PARD3: variants seen among roughly 807,000 people sequenced by gnomAD.
PARD3 encodes partitioning defective 3 homolog.
Under a neutral mutation model 155.4 loss-of-function variants are expected in PARD3, and 75 were observed. The observed-to-expected ratio is 0.48, with a 90% confidence interval of 0.40 to 0.58. The LOEUF (loss-of-function observed/expected upper bound fraction) is 0.58. Ranked by LOEUF, PARD3 falls within the 20% of genes least tolerant of loss-of-function variation. The probability of loss-of-function intolerance (pLI) is 0.00; values close to 1 mark genes in which losing one functional copy is unlikely to be tolerated. For missense variants in PARD3, 1,642 were observed against 1,721.7 expected (o/e 0.95, Z 0.82); for synonymous variants, 576 against 610.5 (o/e 0.94, Z 0.83).
At position 34,671,999 on chromosome 10, in the gene PARD3, A is replaced by AC. The variant is rs2093618547; in HGVS notation, c.222+24318dup. ...AGATCAGCCTGGGCAACATAGGGAG[A>AC]CCCCATCTGTACAAAAAGTGAAAAA... On this transcript the variant is annotated intron_variant, in intron 2 of 24. Transcript: ENST00000374788. Among the ~76,000 whole-genome samples the AC allele has an allele frequency of 2.0e-5, 3 of 151,502 alleles. No individual in the cohort carries two copies. In the South Asian group the frequency reaches 6.3e-4, roughly 32 times the overall value.
chr10:34,342,311 A>G (rs2384211), intron 15 of PARD3, among the ~76,000 whole-genome samples: 84,271 of 152,066 alleles, frequency 0.55, 23,904 homozygotes, highest in African/African-American at 0.67. Context: ...AGTGATAATT[A>G]TATGGTGGTG....
At position 34,356,390 on chromosome 10, in the gene PARD3, G is replaced by C. The variant is rs184655943; in HGVS notation, c.2067+2757C>G. ...CTCTACAAAAATGAAAAATAAAGAA[G>C]ACATATTAAGATAATACACAGCACT... is the stretch of plus-strand genomic sequence containing the variant. On this transcript the variant is annotated intron_variant, in intron 14 of 24. Transcript: ENST00000374788. Among the ~76,000 whole-genome samples, 81 of 152,060 alleles carry C rather than the reference G, an allele frequency of 5.3e-4. 1 individual carries two copies. Among genetic ancestry groups the C allele is most frequent in the African/African-American group, 1.9e-3 (80 of 41,458 alleles).
At chr10:34,159,355 G>A (rs1949163346) in intron 22 of PARD3, among the ~76,000 whole-genome samples, 1 of 152,156 alleles carries the variant, frequency 6.6e-6, no homozygotes, top group South Asian at 2.1e-4. Context: ...GTTTATGGTA[G>A]TTATTCACAA....
chr10:34,732,226 T>G (rs898001259), intron 1 of PARD3, among the ~76,000 whole-genome samples: 5 of 152,130 alleles, frequency 3.3e-5, no homozygotes, highest in African/African-American at 1.2e-4. Context: ...AACAGTCACA[T>G]TAACAAAAGT....
chr10:34,345,677 A>T (rs1387416306), intron 15 of PARD3: 1 of 985,262 alleles, frequency 1.0e-6, no homozygotes, highest in African/African-American at 1.7e-5. Context: ...GAAAAACATA[A>T]ATCCGAATTT....
chr10:34,339,308 G>C (rs1280025320), intron 16 of PARD3, among the ~76,000 whole-genome samples: 1 of 151,818 alleles, frequency 6.6e-6, no homozygotes, highest in African/African-American at 2.4e-5. Flanking sequence ...AGTGAGCCAA[G>C]ATCGCGCCAC....
At chr10:34,347,310 T>TA (rs1466252927) in intron 15 of PARD3, among the ~76,000 whole-genome samples, 10 of 152,332 alleles carry the variant, frequency 6.6e-5, no homozygotes, top group African/African-American at 2.2e-4. Flanking sequence ...ATGAACTGGA[T>TA]CTGTTAGTAG....
At chr10:34,732,099 T>C (rs1564557652) in intron 1 of PARD3, among the ~76,000 whole-genome samples, 1 of 152,208 alleles carries the variant, frequency 6.6e-6, no homozygotes, top group Non-Finnish European at 1.5e-5. Context: ...GCCAAAGGGC[T>C]ATTCGATGAA....
In PARD3 at chr10:34,227,854, T is replaced by TATATATATATATATATATA. The variant is rs1952683542; in HGVS notation, c.3419+41802_3419+41803insTATATATATATATATATAT. 2.4e-3 allele frequency among the ~76,000 whole-genome samples: 64 copies of TATATATATATATATATATA among 26,476 alleles called. 4 individuals are homozygous for TATATATATATATATATATA. Among genetic ancestry groups the TATATATATATATATATATA allele is most frequent in the African/African-American group, 4.6e-3 (61 of 13,284 alleles). The allele number at this position is 26,476 out of a possible 152,430, so 17.4% of individuals were successfully genotyped here. A position where few individuals can be genotyped will look rare whatever the true frequency, so the allele number is the denominator to read the frequency against. ...TATATTCCCAGTAATGGGAATTATT[T>TATATATATATATATATATA]TTTATATATATATATATATATATAT... On this transcript the variant is annotated intron_variant, in intron 22 of 24. Transcript: ENST00000374788.
intron 12 of PARD3, among the ~76,000 whole-genome samples, chr10:34,361,434 C>T (rs1839429547): frequency 2.0e-5 from 3 of 152,162 alleles, no homozygotes; most frequent in Non-Finnish European, 2.9e-5. Flanking sequence ...ACAGATTGTG[C>T]TTTTACAGAA....
At chr10:34,548,397 G>A (rs978894577) in intron 2 of PARD3, among the ~76,000 whole-genome samples, 2 of 152,084 alleles carry the variant, frequency 1.3e-5, no homozygotes, top group Non-Finnish European at 2.9e-5. Flanking sequence ...TACTCAGGAG[G>A]TCGAGGCACA....
intron 22 of PARD3, among the ~76,000 whole-genome samples, chr10:34,260,378 G>A (rs760267693): frequency 7.2e-5 from 11 of 152,206 alleles, no homozygotes; most frequent in Admixed American, 3.3e-4. Flanking sequence ...AGACACTGAC[G>A]GAGCAGGTGC....
intron 3 of PARD3, among the ~76,000 whole-genome samples, chr10:34,510,108 A>G (rs1011405565): frequency 2.5e-4 from 38 of 152,358 alleles, no homozygotes; most frequent in African/African-American, 8.7e-4. Flanking sequence ...ATACTGATGT[A>G]ACAAAACTCC....
intron 22 of PARD3, among the ~76,000 whole-genome samples, chr10:34,180,632 C>T (rs965950470): frequency 6.6e-6 from 1 of 152,072 alleles, no homozygotes; most frequent in East Asian, 1.9e-4. Flanking sequence ...ACATAAAAAC[C>T]TCAAAAATTC....
intron 18 of PARD3, among the ~76,000 whole-genome samples, chr10:34,333,541 C>A (rs2134247341): frequency 6.6e-6 from 1 of 152,130 alleles, no homozygotes; most frequent in East Asian, 1.9e-4. Flanking sequence ...GGTCAATGAA[C>A]TACTCTCTGT....
At chr10:34,341,174 T>C (rs1163325924) in intron 16 of PARD3, among the ~76,000 whole-genome samples, 5 of 123,598 alleles carry the variant, frequency 4.0e-5, no homozygotes, top group East Asian at 2.4e-4. Flanking sequence ...AGTATGGTTA[T>C]AGCACTCTGA....
chr10:34,745,389 AAAGG>A (rs1835170742), intron 1 of PARD3, among the ~76,000 whole-genome samples: 1 of 150,038 alleles, frequency 6.7e-6, no homozygotes, highest in Non-Finnish European at 1.5e-5. Context: ...AAAGGAAGTA[AAAGG>A]AAGGAAAGGA....
chr10:34,496,432 G>A (rs2080294221), intron 3 of PARD3, among the ~76,000 whole-genome samples: 1 of 152,138 alleles, frequency 6.6e-6, no homozygotes, highest in Non-Finnish European at 1.5e-5. Flanking sequence ...ATAATTACCA[G>A]GGGCTGCTCA....
At chr10:34,168,162 T>C (rs112732238) in intron 22 of PARD3, among the ~76,000 whole-genome samples, 2 of 152,324 alleles carry the variant, frequency 1.3e-5, no homozygotes, top group South Asian at 2.1e-4. Context: ...TTCTGAGATG[T>C]GAAGCTTAAA....
Sources: gnomAD v4.1 joint callset for allele counts (sites outside exome capture counted in the v4.1 genomes callset) on GRCh38, gnomAD v4.1.1 for gene constraint, MANE v1.5 for transcripts, NCBI Gene and HGNC (gene_info 2026-07-23, HGNC 2026-07-21) for gene names.